Variants in MYH7B observed in about 807,000 individuals in gnomAD.
MYH7B encodes the protein myosin-7B.
MYH7B carries 205 observed loss-of-function variants against 234.5 expected under a neutral mutation model. The ratio of observed to expected loss-of-function variants is 0.87; its 90% CI spans 0.78 to 0.98. The LOEUF (loss-of-function observed/expected upper bound fraction) is 0.98, where lower values mean the gene tolerates loss of function less well. Ranked by LOEUF, MYH7B falls within the 50% of genes least tolerant of loss-of-function variation. MYH7B has a pLI of 0.00. For synonymous variants in MYH7B, 1,193 were observed against 1,105.0 expected, an observed-to-expected ratio of 1.08 and a Z score of -1.58; for missense variants, 2,652 against 2,633.4, an observed-to-expected ratio of 1.01 and a Z score of -0.15.
intron 2 of MYH7B, among the ~76,000 whole-genome samples, chr20:34,974,118 G>T (rs1372221080): frequency 1.3e-5 from 2 of 151,910 alleles, no homozygotes; most frequent in African/African-American, 4.8e-5. Context: ...GTAGAGACAG[G>T]GTTTCACCAT....
chr20:34,961,098 A>G (rs964816615), intron 2 of MYH7B, among the ~76,000 whole-genome samples: 6 of 152,212 alleles, frequency 3.9e-5, no homozygotes, highest in Non-Finnish European at 8.8e-5. Context: ...ACAGGTTCCC[A>G]GTCCGGCTCT....
intron 26 of MYH7B, 58 bp downstream of exon 26, chr20:34,993,528 C>G: frequency 6.8e-7 from 1 of 1,468,552 alleles, no homozygotes; most frequent in South Asian, 1.3e-5. Flanking sequence ...AGCTCCCAGA[C>G]CCACTGGCTC....
chr20:35,002,293 A>T, exon 45 of MYH7B: 1 of 1,341,218 alleles, frequency 7.5e-7, no homozygotes. Flanking sequence ...TGCTGCCTTC[A>T]GCCTTCCCTG....
chr20:34,983,058 T>G (rs1297373835), intron 10 of MYH7B, among the ~76,000 whole-genome samples: 1 of 152,172 alleles, frequency 6.6e-6, no homozygotes, highest in Non-Finnish European at 1.5e-5. Context: ...GGCCAAGTTT[T>G]TTTGTTTTTG....
chr20:34,990,661 C>T (rs1313871639), intron 22 of MYH7B, 77 bp from the exon 23 acceptor site: 5 of 1,378,822 alleles, frequency 3.6e-6, no homozygotes, highest in East Asian at 2.3e-5. Flanking sequence ...GCTCCCGTCT[C>T]GGTCCTGACC....
chr20:35,001,081 C>T, exon 41 of MYH7B: 1 of 1,613,794 alleles, frequency 6.2e-7, no homozygotes, highest in South Asian at 1.1e-5. Context: ...GGTGCGCGAG[C>T]TCCAGGCCCG....
intron 22 of MYH7B, 87 bp from the exon 23 acceptor site, chr20:34,990,651 G>A: frequency 7.9e-7 from 1 of 1,265,306 alleles, no homozygotes; most frequent in Non-Finnish European, 1.2e-6. Context: ...TTAGGGCCCT[G>A]CTCCCGTCTC....
chr20:34,962,699 C>T (rs1350604905), intron 2 of MYH7B, among the ~76,000 whole-genome samples: 1 of 152,166 alleles, frequency 6.6e-6, no homozygotes, highest in Non-Finnish European at 1.5e-5. Context: ...GCGATCATAG[C>T]TCACTGCAGC....
At chr20:34,979,844 T>C in intron 7 of MYH7B, 40 bp downstream of exon 7, 1 of 1,599,322 alleles carries the variant, frequency 6.3e-7, no homozygotes, top group South Asian at 1.1e-5. Flanking sequence ...GTGGGGCTTG[T>C]ATGTGGGGCG....
At chr20:34,962,712 T>C (rs1743448292) in intron 2 of MYH7B, among the ~76,000 whole-genome samples, 1 of 152,174 alleles carries the variant, frequency 6.6e-6, no homozygotes. Context: ...ACTGCAGCCT[T>C]GAACTCCTCG....
In MYH7B at chr20:34,987,926, C is replaced by T; in HGVS notation, c.1416+12C>T. 1 of 1,580,664 alleles carries T rather than the reference C, an allele frequency of 6.3e-7. No homozygotes were observed. The highest frequency in any genetic ancestry group is 1.3e-5 in the African/African-American group (1 of 74,328). ...TTGAGATCTTTGAGGTGAGGACAGGCCCTCACCTTGGCCTCTGTTCTCTCC... is the reference window on the plus strand; with the variant it reads ...TTGAGATCTTTGAGGTGAGGACAGGTCCTCACCTTGGCCTCTGTTCTCTCC... On this transcript the variant is annotated intron_variant, in intron 18 of 44. Coordinates refer to ENST00000262873, the Ensembl canonical transcript of MYH7B.
Position 34,999,780 on chromosome 20 carries a change from T to G in MYH7B, c.4666-11T>G, listed in dbSNP as rs770737438. 2.9e-6 allele frequency: 4 copies of G among 1,391,796 alleles called. No individual in the cohort carries two copies. The South Asian group carries it at 3.5e-5, about 12-fold the overall frequency. The allele number at this position is 1,391,796 out of a possible 1,614,324, so 86.2% of individuals were successfully genotyped here. On this transcript the variant is annotated splice_polypyrimidine_tract_variant and intron_variant, in intron 37 of 44. Coordinates refer to ENST00000262873, the Ensembl canonical transcript of MYH7B. ...CCCCCCCACCCTACCCTGCCTGCTC[T>G]GTATCCACAGGGGGCCCTGGAGCTG...
At chr20:34,965,612 C>T (rs975887179) in intron 2 of MYH7B, among the ~76,000 whole-genome samples, 2 of 152,102 alleles carry the variant, frequency 1.3e-5, no homozygotes, top group African/African-American at 4.8e-5. Context: ...GCAGACTTAC[C>T]CATAAGTGTA....
exon 15 of MYH7B, chr20:34,986,953 C>T (rs2082037287): frequency 1.9e-6 from 3 of 1,613,940 alleles, no homozygotes; most frequent in Admixed American, 1.7e-5. Context: ...TCACCGTGGA[C>T]AACATGAATG....
intron 13 of MYH7B, among the ~76,000 whole-genome samples, chr20:34,985,378 C>T (rs1395393876): frequency 7.9e-5 from 12 of 152,124 alleles, no homozygotes; most frequent in Admixed American, 4.6e-4. Context: ...TGCTTGAAAG[C>T]TTTCTCTAGA....
chr20:34,963,683 C>CTT (rs1237565582), intron 2 of MYH7B, among the ~76,000 whole-genome samples: 2 of 152,186 alleles, frequency 1.3e-5, no homozygotes, highest in African/African-American at 4.8e-5. Flanking sequence ...TTTACACTTA[C>CTT]TTTTTCTAAG....
chr20:34,987,369 A>T, intron 16 of MYH7B, 82 bp downstream of exon 16: 1 of 1,559,666 alleles, frequency 6.4e-7, no homozygotes, highest in Non-Finnish European at 8.7e-7. Flanking sequence ...TCTTGTCCAC[A>T]ACCTTTAACC....
intron 2 of MYH7B, among the ~76,000 whole-genome samples, chr20:34,964,986 C>T (rs191981489): frequency 8.5e-5 from 13 of 152,266 alleles, no homozygotes; most frequent in African/African-American, 2.6e-4. Flanking sequence ...CAGGCACTTA[C>T]GCCTTTTCTT....
intron 2 of MYH7B, 104 bp from the exon 3 acceptor site, chr20:34,975,285 ACCTCTGCCTCC>A: frequency 2.2e-6 from 1 of 454,248 alleles, no homozygotes; most frequent in Non-Finnish European, 3.9e-6. Flanking sequence ...GCGCACTGTA[ACCTCTGCCTCC>A]TGGGTTCAAG....
Sources: gnomAD v4.1 joint callset for allele counts (sites outside exome capture counted in the v4.1 genomes callset) on GRCh38, gnomAD v4.1.1 for gene constraint, MANE v1.5 for transcripts, NCBI Gene and HGNC (gene_info 2026-07-23, HGNC 2026-07-21) for gene names.